FSTL4: variants seen among roughly 807,000 people sequenced by gnomAD.
FSTL4 encodes follistatin like 4, also known as follistatin-related protein 4.
FSTL4 carries 28 observed loss-of-function variants against 78.2 expected under a neutral mutation model. The observed-to-expected ratio is 0.36, with a 90% CI of 0.27 to 0.49. The LOEUF (loss-of-function observed/expected upper bound fraction) is 0.49. Ranked by LOEUF, FSTL4 falls within the 20% of genes least tolerant of loss-of-function variation. The pLI is 0.98. For missense variants in FSTL4, 922 were observed against 1,084.9 expected (o/e 0.85, Z 2.11); for synonymous variants, 422 against 440.5 (o/e 0.96, Z 0.53).
rs558383837 is a variant in FSTL4 at position 133,497,722 on chromosome 5, C to T, written c.160+69464G>A. Reference sequence around the variant, plus strand: ...ATTCAGACCCAGATGCATGAACTTGCTGCTTCCAGAGAAGCCCTGCCTACA... The same window carrying T: ...ATTCAGACCCAGATGCATGAACTTGTTGCTTCCAGAGAAGCCCTGCCTACA... On this transcript the variant is annotated intron_variant, in intron 3 of 15. Transcript: ENST00000265342. Among the ~76,000 whole-genome samples, 4 of 152,300 alleles carry T rather than the reference C, an allele frequency of 2.6e-5. No individual in the cohort carries two copies. In the South Asian group the frequency reaches 8.3e-4, roughly 32 times the overall value.
chr5:133,275,545 A>G (rs992596480), intron 6 of FSTL4, among the ~76,000 whole-genome samples: 9 of 148,010 alleles, frequency 6.1e-5, no homozygotes, highest in Non-Finnish European at 1.0e-4. Flanking sequence ...GGGCAACAAG[A>G]GAAAAACTCT....
intron 13 of FSTL4, among the ~76,000 whole-genome samples, chr5:133,212,451 C>T (rs374247539): frequency 3.3e-4 from 51 of 152,360 alleles, no homozygotes; most frequent in African/African-American, 1.2e-3. Flanking sequence ...AAATCAGAGG[C>T]AGGCTGAGCC....
At chr5:133,394,994 A>G (rs1481180526) in intron 4 of FSTL4, among the ~76,000 whole-genome samples, 1 of 152,188 alleles carries the variant, frequency 6.6e-6, no homozygotes, top group Non-Finnish European at 1.5e-5. Context: ...GGGGACTTGG[A>G]GAACTTTTCT....
intron 4 of FSTL4, among the ~76,000 whole-genome samples, chr5:133,356,331 T>G (rs1010081574): frequency 6.6e-6 from 1 of 152,142 alleles, no homozygotes; most frequent in Non-Finnish European, 1.5e-5. Context: ...GCCCAGGTAG[T>G]CCACTGATCT....
At chr5:133,394,117 G>A (rs1755932896) in intron 4 of FSTL4, among the ~76,000 whole-genome samples, 1 of 152,282 alleles carries the variant, frequency 6.6e-6, no homozygotes, top group South Asian at 2.1e-4. Context: ...ACAGGTACTA[G>A]CCCTCTCTGG....
At chr5:133,335,683 G>GGC (rs879372274) in intron 4 of FSTL4, among the ~76,000 whole-genome samples, 3 of 151,502 alleles carry the variant, frequency 2.0e-5, no homozygotes, top group African/African-American at 7.3e-5. Flanking sequence ...CCCTTTCTTG[G>GGC]GGGGGGTGGC....
intron 3 of FSTL4, among the ~76,000 whole-genome samples, chr5:133,563,963 A>C (rs1159031876): frequency 6.6e-6 from 1 of 152,236 alleles, no homozygotes; most frequent in Non-Finnish European, 1.5e-5. Flanking sequence ...AGTGACTTAA[A>C]ACCAGAGAAA....
chr5:133,383,672 C>T (rs1355820342), intron 4 of FSTL4, among the ~76,000 whole-genome samples: 1 of 152,190 alleles, frequency 6.6e-6, no homozygotes, highest in African/African-American at 2.4e-5. Flanking sequence ...TATTAAGAGG[C>T]GGGTCTCCTG....
At chr5:133,825,385 A>G in the FSTL4 span, among the ~76,000 whole-genome samples, 1 of 152,222 alleles carries the variant, frequency 6.6e-6, no homozygotes, top group Non-Finnish European at 1.5e-5. Context: ...TGGTTCTTGT[A>G]TAATTTCCAC....
chr5:133,610,202 C>T (rs965198560), intron 1 of FSTL4, among the ~76,000 whole-genome samples: 1 of 152,290 alleles, frequency 6.6e-6, no homozygotes, highest in South Asian at 2.1e-4. Flanking sequence ...CTTCCCTCAC[C>T]CACCTCCAGG....
intron 1 of FSTL4, among the ~76,000 whole-genome samples, chr5:133,609,708 T>C (rs1238428483): frequency 1.3e-5 from 2 of 152,248 alleles, no homozygotes; most frequent in Non-Finnish European, 2.9e-5. Flanking sequence ...GGCTACATTA[T>C]TCTATGTGCC....
At chr5:133,422,248 G>C (rs1165280391) in intron 3 of FSTL4, among the ~76,000 whole-genome samples, 1 of 152,126 alleles carries the variant, frequency 6.6e-6, no homozygotes, top group Non-Finnish European at 1.5e-5. Flanking sequence ...ACAAGCCACT[G>C]GTGGATTTTA....
the FSTL4 span, among the ~76,000 whole-genome samples, chr5:133,653,048 G>A: frequency 6.6e-6 from 1 of 152,106 alleles, no homozygotes; most frequent in South Asian, 2.1e-4. Context: ...TCAGCCAAAC[G>A]CTGCATTAGG....
chr5:133,213,184 G>A (rs1429274939), intron 13 of FSTL4, among the ~76,000 whole-genome samples: 1 of 152,092 alleles, frequency 6.6e-6, no homozygotes, highest in Non-Finnish European at 1.5e-5. Flanking sequence ...TGTATTTTTA[G>A]TACAGACAGG....
the FSTL4 span, among the ~76,000 whole-genome samples, chr5:133,659,324 A>T: frequency 6.6e-6 from 1 of 152,028 alleles, no homozygotes; most frequent in Non-Finnish European, 1.5e-5. Flanking sequence ...TTGACATATT[A>T]CTTGTTTTAC....
chr5:133,306,284 G>A (rs568023824), intron 6 of FSTL4, among the ~76,000 whole-genome samples: 19 of 152,356 alleles, frequency 1.2e-4, no homozygotes, highest in Admixed American at 9.1e-4. Flanking sequence ...CAGCAGGCAC[G>A]CAGGGCTGAG....
At position 133,202,095 on chromosome 5, in the gene FSTL4, C is replaced by T. The variant is rs1750341517; in HGVS notation, c.1717-53G>A. On this transcript the variant is annotated intron_variant, in intron 14 of 15. Coordinates refer to ENST00000265342, the MANE Select transcript of FSTL4 (RefSeq NM_015082.2). ...AGGGCCCATGCAGGTGGGGGCTGAA[C>T]CTGGAGACACCTGTACGCTCAGGTG... is the stretch of plus-strand genomic sequence containing the variant. The T allele has an allele frequency of 2.6e-6, 3 of 1,139,666 alleles. No homozygotes were observed. The African/African-American group carries it at 4.6e-5, about 17-fold the overall frequency. The allele number at this position is 1,139,666 out of a possible 1,614,324, so 70.6% of individuals were successfully genotyped here.
At chr5:133,734,374 A>G in the FSTL4 span, among the ~76,000 whole-genome samples, 1 of 152,230 alleles carries the variant, frequency 6.6e-6, no homozygotes, top group Non-Finnish European at 1.5e-5. Flanking sequence ...CCATATGAGA[A>G]AAATGCCCAC....
chr5:133,579,154 C>T (rs1484267302), intron 2 of FSTL4, among the ~76,000 whole-genome samples: 3 of 152,336 alleles, frequency 2.0e-5, no homozygotes, highest in East Asian at 1.9e-4. Context: ...ACTTTAACTA[C>T]AAGAGGGGTG....
Sources: gnomAD v4.1 joint callset for allele counts (sites outside exome capture counted in the v4.1 genomes callset) on GRCh38, gnomAD v4.1.1 for gene constraint, MANE v1.5 for transcripts, NCBI Gene and HGNC (gene_info 2026-07-23, HGNC 2026-07-21) for gene names.